Variants in POMT2 observed in about 807,000 individuals in gnomAD.
POMT2 encodes the protein protein O-mannosyltransferase 2.
POMT2 carries 75 observed loss-of-function variants against 100.0 expected under a neutral mutation model. The observed-to-expected ratio is 0.75, with a 90% confidence interval of 0.62 to 0.91. The LOEUF is 0.91. Ranked by LOEUF, POMT2 falls within the 40% of genes least tolerant of loss-of-function variation. The pLI, the probability that POMT2 is intolerant of heterozygous loss-of-function variation, is 0.00. For synonymous variants in POMT2, 378 were observed against 374.1 expected, an observed-to-expected ratio of 1.01 and a Z score of -0.12; for missense variants, 940 against 955.1, an observed-to-expected ratio of 0.98 and a Z score of 0.21.
Position 77,307,682 on chromosome 14 carries a change from G to A in POMT2, c.334-1241C>T, listed in dbSNP as rs375335407. ...CCCTATATTCTAGTTCTCTGATCAC[G>A]GACAATATTTAGTATCTCTGAGCTA... On this transcript the variant is annotated intron_variant, in intron 2 of 20. Coordinates refer to ENST00000261534, the MANE Select transcript of POMT2 (RefSeq NM_013382.7). Among the ~76,000 whole-genome samples the A allele has an allele frequency of 1.8e-4, 28 of 151,954 alleles. No individual in the cohort carries two copies. The East Asian group carries it at 4.4e-3, about 24-fold the overall frequency.
chr14:77,289,687 T>C (rs1040756491), intron 10 of POMT2, among the ~76,000 whole-genome samples: 3 of 152,186 alleles, frequency 2.0e-5, no homozygotes, highest in Non-Finnish European at 2.9e-5. Context: ...CCTGACAATC[T>C]TGCCAGCGAG....
chr14:77,306,079 G>A lies in POMT2; in HGVS notation c.438+258C>T, dbSNP rs1212347239. On this transcript the variant is annotated intron_variant, in intron 3 of 20. Transcript: ENST00000261534. ...ACCTGAGGTCTGACAGTATACCGGGGCAGGGCAGCAGGTGACAATGCGTGC... is the reference window on the plus strand; with the variant it reads ...ACCTGAGGTCTGACAGTATACCGGGACAGGGCAGCAGGTGACAATGCGTGC... 2.6e-5 allele frequency among the ~76,000 whole-genome samples: 4 copies of A among 152,308 alleles called. No individual in the cohort carries two copies. In the South Asian group the frequency reaches 6.2e-4, roughly 24 times the overall value.
rs992794355 is a variant in POMT2 at position 77,300,975 on chromosome 14, G to C, written c.816+115C>G. 3.7e-5 allele frequency: 60 copies of C among 1,604,844 alleles called. No individual in the cohort carries two copies. In the South Asian group the frequency reaches 6.3e-4, roughly 17 times the overall value. The stretch of plus-strand genomic sequence containing the variant: ...GAGGTTGGGGGGTCCAGCCCACCTG[G>C]GACCCAGAACACAGCCACTCTGCCA... On this transcript the variant is annotated intron_variant, in intron 6 of 20. Coordinates refer to ENST00000261534, the MANE Select transcript of POMT2 (RefSeq NM_013382.7).
At chr14:77,286,173 G>A (rs1482612237) in intron 12 of POMT2, among the ~76,000 whole-genome samples, 7 of 152,218 alleles carry the variant, frequency 4.6e-5, no homozygotes, top group Non-Finnish European at 8.8e-5. Context: ...CAGAAAGAGG[G>A]CTGGGAAATC....
intron 5 of POMT2, among the ~76,000 whole-genome samples, chr14:77,302,609 G>A (rs980495936): frequency 1.1e-4 from 16 of 152,002 alleles, no homozygotes; most frequent in African/African-American, 3.6e-4. Flanking sequence ...ACATTTTCTC[G>A]GTCTTGAATA....
intron 3 of POMT2, among the ~76,000 whole-genome samples, chr14:77,305,764 C>G (rs1481638435): frequency 6.6e-6 from 1 of 152,242 alleles, no homozygotes; most frequent in African/African-American, 2.4e-5. Context: ...CATGTTCCAT[C>G]AAGGCTGGTG....
intron 14 of POMT2, chr14:77,284,154 C>T (rs1192356070): frequency 4.5e-6 from 2 of 446,864 alleles, no homozygotes; most frequent in African/African-American, 4.0e-5. Flanking sequence ...GTGGTACTGG[C>T]TCAAATGCTG....
rs765595759 is a variant in POMT2 at position 77,306,377 on chromosome 14, C to A, written c.398G>T (p.Gly133Val). Residue 133 changes from glycine to valine, a missense_variant, in exon 3 of 21, where the codon GGG becomes GTG. Coordinates refer to ENST00000261534, the MANE Select transcript of POMT2 (RefSeq NM_013382.7). Reference protein sequence around the residue: ...YDGTFLFQKPGDKYEHHSYMG... With the variant: ...YDGTFLFQKPVDKYEHHSYMG... The stretch of plus-strand genomic sequence containing the variant: ...GTAGCTGTGATGCTCATATTTATCC[C>A]CAGGCTTCTGGAACAAAAAGGTACC... 1.2e-6 allele frequency: 2 copies of A among 1,613,152 alleles called. No individual in the cohort carries two copies. Among genetic ancestry groups the A allele is most frequent in the South Asian group, 2.2e-5 (2 of 91,074 alleles).
At position 77,278,481 on chromosome 14, in the gene POMT2, A is replaced by G; in HGVS notation, c.2060T>C (p.Leu687Pro). 6.7e-7 allele frequency: 1 copy of G among 1,496,494 alleles called. No homozygotes were observed. Among genetic ancestry groups the G allele is most frequent in the Non-Finnish European group, 9.1e-7 (1 of 1,098,226 alleles). The allele number at this position is 1,496,494 out of a possible 1,614,324, so 92.7% of individuals were successfully genotyped here. Residue 687 changes from leucine (L) to proline (P), a missense_variant, in exon 20 of 21, where the codon CTC becomes CCC. Coordinates refer to ENST00000261534, the MANE Select transcript of POMT2 (RefSeq NM_013382.7). Reference protein sequence around the residue: ...TGILWDTLLRLCAWGLASWPL... With the variant: ...TGILWDTLLRPCAWGLASWPL... ...CCATGAGGCCAAGCCCCAGGCACAG[A>G]GCCGCAGGAGGGTGTCCCACAGAAT...
chr14:77,320,169 C>G, intron 1 of POMT2: 1 of 595,800 alleles, frequency 1.7e-6, no homozygotes, highest in Non-Finnish European at 2.9e-6. Context: ...ATTTGCAAGC[C>G]AGGTGATGCA....
intron 2 of POMT2, chr14:77,308,684 A>G (rs372362193): frequency 4.8e-6 from 2 of 418,958 alleles, no homozygotes; most frequent in East Asian, 7.9e-5. Context: ...TGATCGTACC[A>G]GTGCTGGCAA....
chr14:77,286,793 T>A lies in POMT2; in HGVS notation c.1283A>T (p.His428Leu), dbSNP rs767664651. ...GTGCTTCCGGGTCATGGGGGCCTCA[T>A]GATAGTGACTGTGCAAGTTCCGGGA... ...ETSRNLHSHY[H>L]EAPMTRKHYQ... is the part of the protein sequence containing the mutation. Residue 428 changes from histidine (H) to leucine (L), a missense_variant, in exon 12 of 21, where the codon CAT becomes CTT. Coordinates refer to ENST00000261534, the MANE Select transcript of POMT2 (RefSeq NM_013382.7). 6.2e-7 allele frequency: 1 copy of A among 1,614,174 alleles called. No individual in the cohort carries two copies.
chr14:77,309,100 T>C (rs777295130), intron 2 of POMT2, among the ~76,000 whole-genome samples: 4 of 152,174 alleles, frequency 2.6e-5, no homozygotes, highest in Non-Finnish European at 4.4e-5. Context: ...CCCATTTGAG[T>C]TTTTAAAAAG....
chr14:77,304,557 T>C (rs1047935260), intron 4 of POMT2, 135 bp downstream of exon 4: 5 of 1,392,952 alleles, frequency 3.6e-6, no homozygotes, highest in Non-Finnish European at 2.0e-6. Context: ...ATGAGATTTG[T>C]AGTACATTTT....
In POMT2 at chr14:77,277,058, T is replaced by C. The variant is rs1036337561; in HGVS notation, c.*318A>G. Reference sequence around the variant, plus strand: ...ACACGGTCTGTATTCCACAGGGATATGGACAACATGCCCTCACATACACAC... The same window carrying C: ...ACACGGTCTGTATTCCACAGGGATACGGACAACATGCCCTCACATACACAC... On this transcript the variant is annotated 3_prime_UTR_variant, in exon 21 of 21. Coordinates refer to ENST00000261534, the MANE Select transcript of POMT2 (RefSeq NM_013382.7). 1.5e-5 allele frequency: 6 copies of C among 406,132 alleles called. No individual in the cohort carries two copies. The highest frequency in any genetic ancestry group is 1.0e-4 in the African/African-American group (5 of 49,694). 25.2% of individuals were successfully genotyped at this position (406,132 alleles called of 1,614,324 possible).
chr14:77,285,925 C>T (rs962872137), intron 12 of POMT2, among the ~76,000 whole-genome samples: 4 of 152,150 alleles, frequency 2.6e-5, no homozygotes, highest in African/African-American at 9.7e-5. Flanking sequence ...TTCTAAATAC[C>T]TGTCTTTGCC....
At chr14:77,283,770 G>T in intron 15 of POMT2, 27 bp downstream of exon 15, 1 of 1,561,246 alleles carries the variant, frequency 6.4e-7, no homozygotes, top group Non-Finnish European at 8.8e-7. Context: ...TCTTAGAGAC[G>T]CCATGAAATG....
intron 8 of POMT2, among the ~76,000 whole-genome samples, chr14:77,298,158 C>A (rs1322645590): frequency 6.6e-6 from 1 of 152,192 alleles, no homozygotes; most frequent in African/African-American, 2.4e-5. Context: ...GACTCCAAGG[C>A]AACCCACATC....
chr14:77,315,162 A>G lies in POMT2; in HGVS notation c.249-3129T>C, dbSNP rs115410909. Reference sequence around the variant, plus strand: ...CCATGTCTCATGGGGGGAAGGATGTACTACACACAGAGGTTACTGCAGACA... The same window carrying G: ...CCATGTCTCATGGGGGGAAGGATGTGCTACACACAGAGGTTACTGCAGACA... On this transcript the variant is annotated intron_variant, in intron 1 of 20. Transcript: ENST00000261534. 4.8e-3 allele frequency among the ~76,000 whole-genome samples: 728 copies of G among 152,258 alleles called. 9 individuals are homozygous for G. The highest frequency in any genetic ancestry group is 0.017 in the African/African-American group (707 of 41,552).
Sources: gnomAD v4.1 joint callset for allele counts (sites outside exome capture counted in the v4.1 genomes callset) on GRCh38, gnomAD v4.1.1 for gene constraint, MANE v1.5 for transcripts, NCBI Gene and HGNC (gene_info 2026-07-23, HGNC 2026-07-21) for gene names.